HIRA: variants seen among roughly 807,000 people sequenced by gnomAD.
The protein encoded by HIRA is histone cell cycle regulator.
HIRA carries 13 observed loss-of-function variants against 126.6 expected under a neutral mutation model. The observed-to-expected ratio is 0.10, with a 90% CI of 0.07 to 0.16. The LOEUF is 0.16. Ranked by LOEUF, HIRA falls within the 10% of genes least tolerant of loss-of-function variation. The pLI is 1.00. For synonymous variants in HIRA, 511 were observed against 520.0 expected, an observed-to-expected ratio of 0.98 and a Z score of 0.24; for missense variants, 834 against 1,314.4, an observed-to-expected ratio of 0.63 and a Z score of 5.65.
At chr22:19,362,539 G>C (rs898776229) in intron 15 of HIRA, among the ~76,000 whole-genome samples, 5 of 152,166 alleles carry the variant, frequency 3.3e-5, no homozygotes, top group African/African-American at 1.2e-4. Context: ...GCTGAGAGGA[G>C]AGAAAATTTA....
chr22:19,338,485 C>T (rs956929278), intron 24 of HIRA, among the ~76,000 whole-genome samples: 1 of 151,292 alleles, frequency 6.6e-6, no homozygotes, highest in Non-Finnish European at 1.5e-5. Flanking sequence ...CCTCACATCT[C>T]GATACTAACA....
chr22:19,359,924 GT>G (rs1472564237), intron 17 of HIRA, among the ~76,000 whole-genome samples: 3 of 152,218 alleles, frequency 2.0e-5, no homozygotes, highest in Non-Finnish European at 4.4e-5. Context: ...TAGAGACCAT[GT>G]CAGTGCTTGG....
intron 24 of HIRA, among the ~76,000 whole-genome samples, chr22:19,333,423 T>A (rs368044871): frequency 4.9e-4 from 74 of 152,232 alleles, no homozygotes; most frequent in African/African-American, 1.6e-3. Flanking sequence ...TTATCAAAAC[T>A]AGCTCAAAAA....
rs903443372 is a variant in HIRA at position 19,385,481 on chromosome 22, A to G, written c.1329+40T>C. 5.1e-6 allele frequency: 8 copies of G among 1,576,934 alleles called. No individual in the cohort carries two copies. The East Asian group carries it at 1.6e-4, about 31-fold the overall frequency. The stretch of plus-strand genomic sequence containing the variant: ...TCTGCCCCTCACCCTGTCCCTGGGC[A>G]TATGTCCATGTCTTTAGCGCCACCA... On this transcript the variant is annotated intron_variant, in intron 12 of 24. Coordinates refer to ENST00000263208, the MANE Select transcript of HIRA (RefSeq NM_003325.4).
At chr22:19,419,294 G>A (rs2089424859) in intron 1 of HIRA, among the ~76,000 whole-genome samples, 5 of 152,124 alleles carry the variant, frequency 3.3e-5, no homozygotes, top group Admixed American at 3.3e-4. Flanking sequence ...AACAATCCTT[G>A]CACAATGGCC....
rs766814162 is a variant in HIRA at position 19,394,543 on chromosome 22, A to G, written c.655-34T>C. On this transcript the variant is annotated intron_variant, in intron 7 of 24. Coordinates refer to ENST00000263208, the MANE Select transcript of HIRA (RefSeq NM_003325.4). ...AGCATCTGCACTTGAAAGGAGCTCA[A>G]GGCCACCTTTGTGACCAAAACTCTG... 3.1e-6 allele frequency: 5 copies of G among 1,602,732 alleles called. No individual in the cohort carries two copies. The Admixed American group carries it at 5.1e-5, about 16-fold the overall frequency.
chr22:19,390,897 C>T (rs1244059377), intron 9 of HIRA, among the ~76,000 whole-genome samples: 3 of 151,836 alleles, frequency 2.0e-5, no homozygotes, highest in East Asian at 3.9e-4. Context: ...GTCAGCAACA[C>T]GTGTCAGCAA....
At chr22:19,401,936 G>A (rs568718193) in intron 5 of HIRA, among the ~76,000 whole-genome samples, 1 of 152,134 alleles carries the variant, frequency 6.6e-6, no homozygotes, top group Non-Finnish European at 1.5e-5. Flanking sequence ...CCTCTGCCAC[G>A]GTCTCAAAGG....
rs112791270 is a variant in HIRA, at chr22:19,393,947, C to T, written c.822+395G>A. Among the ~76,000 whole-genome samples, 142 of 152,290 alleles carry T rather than the reference C, an allele frequency of 9.3e-4. 1 individual carries two copies. Among genetic ancestry groups the T allele is most frequent in the African/African-American group, 3.2e-3 (132 of 41,546 alleles). On this transcript the variant is annotated intron_variant, in intron 8 of 24. Transcript: ENST00000263208. ...TCACGCCTCTGAGCTCTTCACCTGC[C>T]GCAGCAAGATCTGGCAGCAGCTCCC... is the stretch of plus-strand genomic sequence containing the variant.
chr22:19,351,509 AC>A lies in HIRA; in HGVS notation c.2849-64del. The A allele has an allele frequency of 8.4e-7, 1 of 1,185,062 alleles. No homozygotes were observed. Among genetic ancestry groups the A allele is most frequent in the Middle Eastern group, 2.1e-4 (1 of 4,850 alleles). 73.4% of individuals were successfully genotyped at this position (1,185,062 alleles called of 1,614,324 possible). A position where few individuals can be genotyped will look rare whatever the true frequency, so the allele number is the denominator to read the frequency against. ...AACAAAACAGAAATAGGAACACATT[AC>A]AAAAAGAAATAAAATCAAGAATATG... On this transcript the variant is annotated intron_variant, in intron 23 of 24. Transcript: ENST00000263208. The surrounding 1 kb of genome is among the most constrained non-coding windows in gnomAD (Gnocchi z 4.8).
intron 24 of HIRA, 45 bp from the exon 25 acceptor site, chr22:19,331,601 A>T (rs2088487459): frequency 6.5e-7 from 1 of 1,528,432 alleles, no homozygotes; most frequent in Admixed American, 2.0e-5. Flanking sequence ...CAGTGAAGAG[A>T]CCTAGATTGT....
chr22:19,355,594 C>G (rs1192715787), intron 21 of HIRA, among the ~76,000 whole-genome samples, 166 bp downstream of exon 21: 6 of 152,202 alleles, frequency 3.9e-5, no homozygotes, highest in African/African-American at 1.4e-4. Context: ...CAGTGTCCTG[C>G]TGGGACAGGG....
At chr22:19,331,753 G>C (rs1424319310) in intron 24 of HIRA, among the ~76,000 whole-genome samples, 197 bp from the exon 25 acceptor site, 5 of 152,232 alleles carry the variant, frequency 3.3e-5, no homozygotes, top group African/African-American at 1.2e-4. Flanking sequence ...GAGCAACACA[G>C]TGTGGGGATA....
chr22:19,372,995 T>C (rs2146207525), intron 15 of HIRA, among the ~76,000 whole-genome samples: 1 of 152,346 alleles, frequency 6.6e-6, no homozygotes, highest in East Asian at 1.9e-4. Flanking sequence ...CATGAGCCAT[T>C]GTGTCCAGCC....
At chr22:19,383,511 G>T in intron 13 of HIRA, 109 bp downstream of exon 13, 1 of 858,692 alleles carries the variant, frequency 1.2e-6, no homozygotes, top group Non-Finnish European at 1.9e-6. Flanking sequence ...TGTTCTACCA[G>T]TCAGGTTGTG....
chr22:19,407,374 T>G lies in HIRA; in HGVS notation c.212-100A>C, dbSNP rs933055581. 19 of 906,294 alleles carry G rather than the reference T, an allele frequency of 2.1e-5. 1 individual carries two copies. The Admixed American group carries it at 3.5e-4, about 17-fold the overall frequency. 56.1% of individuals were successfully genotyped at this position (906,294 alleles called of 1,614,324 possible). On this transcript the variant is annotated intron_variant, in intron 3 of 24. Transcript: ENST00000263208. ...TGTAAAGGGTTTATAAAATCTAATC[T>G]ATCTAATCTATTTAAGGCATCTACT...
chr22:19,339,194 C>T (rs1310995044), intron 24 of HIRA, among the ~76,000 whole-genome samples: 2 of 152,238 alleles, frequency 1.3e-5, no homozygotes, highest in South Asian at 2.1e-4. Flanking sequence ...AAATATGCTC[C>T]TGAATGATCT....
intron 1 of HIRA, among the ~76,000 whole-genome samples, chr22:19,414,103 A>C (rs892144325): frequency 6.6e-6 from 1 of 151,924 alleles, no homozygotes; most frequent in African/African-American, 2.4e-5. Flanking sequence ...CACACCCTAG[A>C]CTCTAGAGAC....
At chr22:19,349,837 G>T (rs547374449) in intron 24 of HIRA, among the ~76,000 whole-genome samples, 1 of 152,194 alleles carries the variant, frequency 6.6e-6, no homozygotes, top group South Asian at 2.1e-4. Context: ...CTACCATCCC[G>T]TTGGGCTGTT....
Sources: gnomAD v4.1 joint callset for allele counts (sites outside exome capture counted in the v4.1 genomes callset) on GRCh38, gnomAD v4.1.1 for gene constraint, Gnocchi (gnomAD v3.1) non-coding constraint, MANE v1.5 for transcripts, NCBI Gene and HGNC (gene_info 2026-07-23, HGNC 2026-07-21) for gene names.